The following PELI1 variants were observed in gnomAD, a reference collection of about 807,000 sequenced individuals.
PELI1 encodes the protein pellino E3 ubiquitin protein ligase 1, also known as E3 ubiquitin-protein ligase pellino homolog 1.
PELI1 carries 15 observed loss-of-function variants against 41.3 expected under a neutral mutation model. The ratio of observed to expected loss-of-function variants is 0.36; its 90% CI spans 0.24 to 0.56. PELI1 has a LOEUF of 0.56. Among genes scored for constraint, PELI1 ranks in the 20% least tolerant of loss-of-function variants. The pLI is 0.82. For missense variants in PELI1, 403 were observed against 525.5 expected, an observed-to-expected ratio of 0.77 and a Z score of 2.28; for synonymous variants, 178 against 180.1, an observed-to-expected ratio of 0.99 and a Z score of 0.09.
At position 64,093,339 on chromosome 2, in the gene PELI1, T is replaced by C. The variant is rs1196781625; in HGVS notation, c.*1363A>G. 6.6e-6 allele frequency: 1 copy of C among 152,566 alleles called. No homozygotes were observed. Among genetic ancestry groups the C allele is most frequent in the Admixed American group, 6.5e-5 (1 of 15,280 alleles). 9.5% of individuals were successfully genotyped at this position (152,566 alleles called of 1,614,324 possible). A position where few individuals can be genotyped will look rare whatever the true frequency, so the allele number is the denominator to read the frequency against. On this transcript the variant is annotated 3_prime_UTR_variant, in exon 7 of 7. Coordinates refer to ENST00000358912, the MANE Select transcript of PELI1 (RefSeq NM_020651.4). Reference sequence around the variant, plus strand: ...CAAACTAAAGGAAAACAAATCAAAATATTAAAAGAAGATACTGTCTAATCT... The same window carrying C: ...CAAACTAAAGGAAAACAAATCAAAACATTAAAAGAAGATACTGTCTAATCT...
At chr2:64,134,717 C>T (rs2103741191) in intron 1 of PELI1, among the ~76,000 whole-genome samples, 1 of 152,226 alleles carries the variant, frequency 6.6e-6, no homozygotes, top group South Asian at 2.1e-4. Context: ...GCTTTTAGTG[C>T]TTCCAGTACA....
chr2:64,111,222 T>C (rs1680798070), intron 1 of PELI1, among the ~76,000 whole-genome samples: 1 of 152,156 alleles, frequency 6.6e-6, no homozygotes, highest in African/African-American at 2.4e-5. Flanking sequence ...CTTGTCTTTT[T>C]CTACAGTACA....
chr2:64,136,599 A>T (rs990249813), intron 1 of PELI1, among the ~76,000 whole-genome samples: 4 of 152,238 alleles, frequency 2.6e-5, no homozygotes, highest in Admixed American at 2.0e-4. Context: ...TTACATTTTA[A>T]ATGATTGGTT....
intron 1 of PELI1, among the ~76,000 whole-genome samples, chr2:64,128,401 C>T (rs895995807): frequency 2.6e-5 from 4 of 152,080 alleles, no homozygotes; most frequent in Non-Finnish European, 4.4e-5. Context: ...TAAAGTTACA[C>T]ATGATATATT....
chr2:64,108,944 A>C (rs1327796516), intron 1 of PELI1, among the ~76,000 whole-genome samples: 1 of 152,208 alleles, frequency 6.6e-6, no homozygotes, highest in Non-Finnish European at 1.5e-5. Context: ...AAACCCAGAA[A>C]ACAGTTTTGC....
chr2:64,119,486 G>T (rs1681132866), intron 1 of PELI1, among the ~76,000 whole-genome samples: 1 of 152,186 alleles, frequency 6.6e-6, no homozygotes, highest in Non-Finnish European at 1.5e-5. Context: ...ACCACACACT[G>T]AATAGCTGGC....
chr2:64,110,061 A>G lies in PELI1; in HGVS notation c.-69-1682T>C, dbSNP rs1005960619. On this transcript the variant is annotated intron_variant, in intron 1 of 6. Transcript: ENST00000358912. ...GGAGTTCGAGACCAGCCTGGGCAAC[A>G]TGGTGAAACCCCGTCTCTACTAAAA... 3.3e-5 allele frequency among the ~76,000 whole-genome samples: 5 copies of G among 152,238 alleles called. No individual in the cohort carries two copies. The East Asian group carries it at 9.7e-4, about 29-fold the overall frequency.
rs73935056 is a variant in PELI1 at position 64,119,856 on chromosome 2, C to A, written c.-69-11477G>T. On this transcript the variant is annotated intron_variant, in intron 1 of 6. Coordinates refer to ENST00000358912, the MANE Select transcript of PELI1 (RefSeq NM_020651.4). ...TTTCATATTAGTAAACCTATTTTTA[C>A]AGATTTAGTATAGTACTCAATCTGT... is the stretch of plus-strand genomic sequence containing the variant. Among the ~76,000 whole-genome samples the A allele has an allele frequency of 3.9e-3, 600 of 152,180 alleles. 5 individuals are homozygous for A. Among genetic ancestry groups the A allele is most frequent in the African/African-American group, 0.014 (571 of 41,520 alleles).
At chr2:64,134,226 C>A (rs1681646987) in intron 1 of PELI1, among the ~76,000 whole-genome samples, 4 of 152,248 alleles carry the variant, frequency 2.6e-5, no homozygotes, top group Non-Finnish European at 5.9e-5. Flanking sequence ...GAACTATATG[C>A]AACTAAATCA....
chr2:64,104,618 G>A (rs1680557401), intron 3 of PELI1, 83 bp downstream of exon 3: 7 of 1,410,106 alleles, frequency 5.0e-6, no homozygotes, highest in Non-Finnish European at 6.5e-6. Flanking sequence ...AATGTAAGGG[G>A]AATGCTAGAG....
In PELI1 at chr2:64,144,350, C is replaced by G. The variant is rs535223258; in HGVS notation, c.-339G>C. The G allele has an allele frequency of 1.3e-5, 2 of 151,956 alleles. No homozygotes were observed. Among genetic ancestry groups the G allele is most frequent in the African/African-American group, 4.8e-5 (2 of 41,364 alleles). The allele number at this position is 151,956 out of a possible 1,614,324, so 9.4% of individuals were successfully genotyped here. On this transcript the variant is annotated 5_prime_UTR_variant, in exon 1 of 7. Transcript: ENST00000358912. ...CGCACCGCGGGACTAGGGCTGCTGC[C>G]GCTGCTGCTAGTGGAGGCGGCGGCG... is the stretch of plus-strand genomic sequence containing the variant.
intron 1 of PELI1, among the ~76,000 whole-genome samples, chr2:64,122,402 C>T (rs1681255167): frequency 6.6e-6 from 1 of 150,714 alleles, no homozygotes; most frequent in Non-Finnish European, 1.5e-5. Flanking sequence ...GTACTTACCT[C>T]ACAATTTCTA....
chr2:64,096,755 T>A (rs972040191), intron 4 of PELI1, 145 bp from the exon 5 acceptor site: 1 of 593,352 alleles, frequency 1.7e-6, no homozygotes, highest in African/African-American at 1.9e-5. Context: ...GGGGCATCTA[T>A]ACTCTTGAAA....
At chr2:64,134,243 T>A (rs1016182498) in intron 1 of PELI1, among the ~76,000 whole-genome samples, 1 of 152,172 alleles carries the variant, frequency 6.6e-6, no homozygotes, top group Non-Finnish European at 1.5e-5. Context: ...ATCAACACGT[T>A]ATTTCTAAAA....
intron 1 of PELI1, among the ~76,000 whole-genome samples, chr2:64,109,627 C>T (rs1305958546): frequency 6.6e-6 from 1 of 152,106 alleles, no homozygotes; most frequent in Non-Finnish European, 1.5e-5. Flanking sequence ...TTGCAGTGAG[C>T]CGAGATCAGT....
chr2:64,100,554 T>C (rs1680392118), intron 3 of PELI1, 55 bp from the exon 4 acceptor site: 1 of 836,998 alleles, frequency 1.2e-6, no homozygotes, highest in African/African-American at 1.7e-5. Flanking sequence ...TCCAATCAGA[T>C]AATCTTTTCA....
intron 1 of PELI1, among the ~76,000 whole-genome samples, chr2:64,110,197 A>G (rs1680760363): frequency 6.8e-6 from 1 of 146,312 alleles, no homozygotes; most frequent in African/African-American, 2.6e-5. Flanking sequence ...GTGAGCCAAA[A>G]TTGCGCCACT....
chr2:64,126,913 T>C (rs1681407887), intron 1 of PELI1, among the ~76,000 whole-genome samples: 1 of 152,168 alleles, frequency 6.6e-6, no homozygotes, highest in Admixed American at 6.5e-5. Flanking sequence ...GTAGGTTCCC[T>C]GGAGTTTGGT....
intron 1 of PELI1, among the ~76,000 whole-genome samples, chr2:64,111,131 A>C (rs1195677265): frequency 6.6e-6 from 1 of 152,062 alleles, no homozygotes; most frequent in Non-Finnish European, 1.5e-5. Flanking sequence ...CAAAACTCCT[A>C]CTAGCTAGCC....
Sources: allele counts gnomAD v4.1 joint callset (sites outside exome capture counted in the v4.1 genomes callset), GRCh38; gene constraint gnomAD v4.1.1; transcripts MANE v1.5; gene names NCBI Gene and HGNC (gene_info 2026-07-23, HGNC 2026-07-21).